Variants in SPIB observed in about 807,000 individuals in gnomAD.
SPIB encodes transcription factor Spi-B.
Under a neutral mutation model 31.9 loss-of-function variants are expected in SPIB, and 7 were observed. The ratio of observed to expected loss-of-function variants is 0.22; its 90% CI spans 0.12 to 0.41. The LOEUF (loss-of-function observed/expected upper bound fraction) is 0.41. Ranked by LOEUF, SPIB falls within the 10% of genes least tolerant of loss-of-function variation. The pLI, the probability that SPIB is intolerant of heterozygous loss-of-function variation, is 1.00. For synonymous variants in SPIB, 176 were observed against 158.9 expected (o/e 1.11, Z -0.81); for missense variants, 327 against 360.2 (o/e 0.91, Z 0.75).
chr19:50,423,892 G>A lies in SPIB; in HGVS notation c.490+137G>A, dbSNP rs1387574464. On this transcript the variant is annotated intron_variant, in intron 5 of 5. Coordinates refer to ENST00000595883, the MANE Select transcript of SPIB (RefSeq NM_003121.5). ...CAGATCCGCACCACCTGCTGGCTGT[G>A]TGACCTTGGGTAAGTGCCTCTACCT... is the stretch of plus-strand genomic sequence containing the variant. 5 of 1,038,824 alleles carry A rather than the reference G, an allele frequency of 4.8e-6. No homozygotes were observed. The African/African-American group carries it at 8.0e-5, about 17-fold the overall frequency. The allele number at this position is 1,038,824 out of a possible 1,614,324, so 64.4% of individuals were successfully genotyped here. A position where few individuals can be genotyped will look rare whatever the true frequency, so the allele number is the denominator to read the frequency against.
Position 50,418,956 on chromosome 19 carries a change from C to T in SPIB, c.-7C>T. 2 of 1,553,872 alleles carry T rather than the reference C, an allele frequency of 1.3e-6. No individual in the cohort carries two copies. The highest frequency in any genetic ancestry group is 8.7e-7 in the Non-Finnish European group (1 of 1,149,096). ...AGCGGGCGGCAAACAGCCCGCCCGG[C>T]ACCACCATGCTCGCCCTGGAGGCTG... On this transcript the variant is annotated 5_prime_UTR_variant, in exon 1 of 6. Coordinates refer to ENST00000595883, the MANE Select transcript of SPIB (RefSeq NM_003121.5). The surrounding 1 kb of genome is among the most constrained non-coding windows in gnomAD (Gnocchi z 6.0).
intron 2 of SPIB, 151 bp from the exon 3 acceptor site, chr19:50,422,322 C>T: frequency 1.6e-6 from 1 of 612,536 alleles, no homozygotes; most frequent in East Asian, 2.8e-5. Context: ...TCTCTGATGC[C>T]TAGTCTCTGT....
chr19:50,428,022 C>T lies in SPIB; in HGVS notation c.491-16C>T, dbSNP rs1020741195. ...AGGGACCCCTCACCTAACGCGTGCC[C>T]CCGACCCCACCGCAGGGACTCGCAA... On this transcript the variant is annotated splice_polypyrimidine_tract_variant and intron_variant, in intron 5 of 5. Transcript: ENST00000595883. This position sits in a 1 kb window ranked among gnomAD's most constrained non-coding sequence, Gnocchi z 6.5. 1.3e-6 allele frequency: 2 copies of T among 1,495,128 alleles called. No individual in the cohort carries two copies. Among genetic ancestry groups the T allele is most frequent in the Middle Eastern group, 1.9e-4 (1 of 5,270 alleles). 92.6% of individuals were successfully genotyped at this position (1,495,128 alleles called of 1,614,324 possible). A position where few individuals can be genotyped will look rare whatever the true frequency, so the allele number is the denominator to read the frequency against.
chr19:50,419,474 CTG>C (rs944062364), intron 1 of SPIB, among the ~76,000 whole-genome samples: 5 of 152,316 alleles, frequency 3.3e-5, no homozygotes, highest in African/African-American at 9.6e-5. Flanking sequence ...CTCCCCGCCT[CTG>C]TGCGTGAATG....
chr19:50,426,480 A>C (rs988895479), intron 5 of SPIB, among the ~76,000 whole-genome samples: 20 of 152,142 alleles, frequency 1.3e-4, no homozygotes, highest in Admixed American at 2.6e-4. Context: ...GAGAATGTCC[A>C]ACTTTTATTT....
chr19:50,420,010 C>T (rs755929568), intron 2 of SPIB, 37 bp downstream of exon 2: 5 of 1,429,620 alleles, frequency 3.5e-6, no homozygotes, highest in South Asian at 1.6e-5. Flanking sequence ...GAGGGGTGGC[C>T]CACAGTGACC....
chr19:50,427,565 C>G (rs1438152358), intron 5 of SPIB, among the ~76,000 whole-genome samples: 1 of 152,196 alleles, frequency 6.6e-6, no homozygotes, highest in African/African-American at 2.4e-5. Context: ...GTCAGGTGCC[C>G]TGGCCTCTCC....
At chr19:50,424,095 A>G (rs538116771) in intron 5 of SPIB, among the ~76,000 whole-genome samples, 2 of 152,280 alleles carry the variant, frequency 1.3e-5, no homozygotes, top group African/African-American at 4.8e-5. Flanking sequence ...CCACAGCAAC[A>G]GAAATGATAA....
chr19:50,426,158 G>A (rs1447794384), intron 5 of SPIB, among the ~76,000 whole-genome samples: 1 of 152,120 alleles, frequency 6.6e-6, no homozygotes, highest in Non-Finnish European at 1.5e-5. Context: ...GCAGTGAGCT[G>A]AGATCATGCC....
chr19:50,419,863 G>A (rs137911744), intron 1 of SPIB, 83 bp from the exon 2 acceptor site: 15,250 of 1,421,466 alleles, frequency 0.011, 109 homozygotes, highest in Middle Eastern at 0.016. Context: ...AGCTGCTGCC[G>A]CCTCCCCATC....
chr19:50,422,001 C>T lies in SPIB; in HGVS notation c.52-472C>T, dbSNP rs11878296. Among the ~76,000 whole-genome samples the T allele has an allele frequency of 4.5e-3, 687 of 152,294 alleles. 4 individuals carry two copies. Among genetic ancestry groups the T allele is most frequent in the African/African-American group, 0.015 (620 of 41,568 alleles). On this transcript the variant is annotated intron_variant, in intron 2 of 5. Coordinates refer to ENST00000595883, the MANE Select transcript of SPIB (RefSeq NM_003121.5). ...CTGACCTCAGGTGATCTGCCCGCCTCGGCCCCCCAAAGTGTTGGGATGACA... is the reference window on the plus strand; with the variant it reads ...CTGACCTCAGGTGATCTGCCCGCCTTGGCCCCCCAAAGTGTTGGGATGACA...
rs775593347 is a variant in SPIB at position 50,422,584 on chromosome 19, C to T, written c.124+39C>T. The T allele has an allele frequency of 1.9e-6, 3 of 1,602,700 alleles. No individual in the cohort carries two copies. In the South Asian group the frequency reaches 3.3e-5, roughly 18 times the overall value. ...GCCCTGTGCCCTTCCTGCCTTGGGG[C>T]CCATTTCACAGATAGGGGAGCTGAG... is the stretch of plus-strand genomic sequence containing the variant. On this transcript the variant is annotated intron_variant, in intron 3 of 5. Transcript: ENST00000595883.
At chr19:50,426,920 A>G (rs917949780) in intron 5 of SPIB, among the ~76,000 whole-genome samples, 4 of 151,766 alleles carry the variant, frequency 2.6e-5, no homozygotes, top group African/African-American at 7.3e-5. Context: ...ACCTGAGGCC[A>G]GGAGTTCAAG....
At position 50,422,544 on chromosome 19, in the gene SPIB, T is replaced by C. The variant is rs1240987669; in HGVS notation, c.123T>C (p.Pro41=). The C allele has an allele frequency of 2.5e-6, 4 of 1,613,854 alleles. No homozygotes were observed. The highest frequency in any genetic ancestry group is 3.3e-5 in the Admixed American group (2 of 60,004). Residue 41 remains proline (P), a splice_region_variant and synonymous_variant, in exon 3 of 6, where the codon CCT becomes CCC. Coordinates refer to ENST00000595883, the MANE Select transcript of SPIB (RefSeq NM_003121.5). ...GCTACCCTGATTCAGAGGGGGCTCC[T>C]GGTGAGTGACCCCAGCCCTGTGCCC... ...HSSYPDSEGA[P]DSLWDWTVAP...
rs2122564143 is a variant in SPIB at position 50,430,394 on chromosome 19, C to T, written c.*2058C>T. 6.6e-6 allele frequency: 1 copy of T among 152,204 alleles called. No homozygotes were observed. Among genetic ancestry groups the T allele is most frequent in the Non-Finnish European group, 1.5e-5 (1 of 68,064 alleles). 9.4% of individuals were successfully genotyped at this position (152,204 alleles called of 1,614,324 possible). A position where few individuals can be genotyped will look rare whatever the true frequency, so the allele number is the denominator to read the frequency against. Reference sequence around the variant, plus strand: ...TCTAGGGTGCATGACTTGCTGCTTCCCAACCTTAGTTTGTCCCTTCTGTGA... The same window carrying T: ...TCTAGGGTGCATGACTTGCTGCTTCTCAACCTTAGTTTGTCCCTTCTGTGA... On this transcript the variant is annotated 3_prime_UTR_variant, in exon 6 of 6. Coordinates refer to ENST00000595883, the MANE Select transcript of SPIB (RefSeq NM_003121.5).
chr19:50,422,759 G>A, intron 3 of SPIB, 64 bp from the exon 4 acceptor site: 1 of 1,185,148 alleles, frequency 8.4e-7, no homozygotes, highest in Non-Finnish European at 1.2e-6. Flanking sequence ...CTGTGCTGGG[G>A]GCTTCGACTG....
Position 50,428,332 on chromosome 19 carries a change from C to T in SPIB, c.785C>T (p.Ala262Val). The T allele has an allele frequency of 6.5e-7, 1 of 1,541,982 alleles. No individual in the cohort carries two copies. Among genetic ancestry groups the T allele is most frequent in the Non-Finnish European group, 8.8e-7 (1 of 1,141,758 alleles). Residue 262 changes from alanine (A) to valine (V), a missense_variant, in exon 6 of 6, where the codon GCC becomes GTC. By Grantham distance (64) the Ala-to-Val change is moderately conservative. Around this residue, in one of 4 missense-constraint regions of SPIB, gnomAD observed 25 missense variants for 23.2 expected, o/e 1.08. Coordinates refer to ENST00000595883, the MANE Select transcript of SPIB (RefSeq NM_003121.5). The surrounding 1 kb of genome is among the most constrained non-coding windows in gnomAD (Gnocchi z 6.5). ...GCGCTGCTGCCTGCAGTCCGCCGGG[C>T]CTGAGCACACCCGAGGCTCCCACCT... is the stretch of plus-strand genomic sequence containing the variant. ...DSALLPAVRR[A>V] is the part of the protein sequence containing the mutation.
At chr19:50,425,529 C>T (rs1344251199) in intron 5 of SPIB, among the ~76,000 whole-genome samples, 1 of 152,208 alleles carries the variant, frequency 6.6e-6, no homozygotes, top group African/African-American at 2.4e-5. Context: ...CTGCCTCAAA[C>T]TCCTGGGCTC....
rs773340227 is a variant in SPIB at position 50,419,926 on chromosome 19, C to T, written c.24-20C>T. 6.5e-7 allele frequency: 1 copy of T among 1,541,190 alleles called. No individual in the cohort carries two copies. The highest frequency in any genetic ancestry group is 8.7e-7 in the Non-Finnish European group (1 of 1,149,330). ...GGCTGGAGGCAGCCTCAGCATGCCC[C>T]TGTGTCTCTCCCCCTCCAGGCTCGA... On this transcript the variant is annotated intron_variant, in intron 1 of 5. Coordinates refer to ENST00000595883, the MANE Select transcript of SPIB (RefSeq NM_003121.5).
Sources: gnomAD v4.1 joint callset for allele counts (sites outside exome capture counted in the v4.1 genomes callset) on GRCh38, gnomAD v4.1.1 for gene constraint, gnomAD v4.1.1 regional missense constraint, Gnocchi (gnomAD v3.1) non-coding constraint, MANE v1.5 for transcripts, NCBI Gene and HGNC (gene_info 2026-07-23, HGNC 2026-07-21) for gene names.